Variants in RIMS2 observed in about 807,000 individuals in gnomAD.
The protein encoded by RIMS2 is regulating synaptic membrane exocytosis protein 2.
RIMS2 carries 59 observed loss-of-function variants against 174.4 expected under a neutral mutation model. That is an observed-to-expected ratio of 0.34 (90% CI 0.27 to 0.42). The LOEUF (loss-of-function observed/expected upper bound fraction) is 0.42. RIMS2 is among the 10% of genes least tolerant of loss of function. The pLI is 1.00. For synonymous variants in RIMS2, 606 were observed against 572.5 expected (o/e 1.06, Z -0.84); for missense variants, 1,620 against 1,666.3 (o/e 0.97, Z 0.48).
intron 19 of RIMS2, among the ~76,000 whole-genome samples, chr8:104,109,093 C>T (rs1482301620): frequency 1.3e-5 from 2 of 151,668 alleles, no homozygotes; most frequent in East Asian, 1.9e-4. Flanking sequence ...GTCAGGAGAT[C>T]GAGACCATCT....
chr8:103,836,959 G>T (rs1172094773), intron 3 of RIMS2, among the ~76,000 whole-genome samples: 1 of 152,168 alleles, frequency 6.6e-6, no homozygotes, highest in African/African-American at 2.4e-5. Flanking sequence ...ATATGGAATT[G>T]TTCACCTGCA....
At chr8:103,814,699 A>AC (rs1222604376) in intron 3 of RIMS2, among the ~76,000 whole-genome samples, 4 of 151,806 alleles carry the variant, frequency 2.6e-5, no homozygotes, top group Admixed American at 6.6e-5. Flanking sequence ...ACATAGTGAG[A>AC]CCCCCTCCAT....
intron 19 of RIMS2, among the ~76,000 whole-genome samples, chr8:104,016,380 G>C (rs985491604): frequency 2.0e-5 from 3 of 152,016 alleles, no homozygotes; most frequent in African/African-American, 7.2e-5. Context: ...CATTCGAGCA[G>C]CAATATTTTA....
intron 3 of RIMS2, among the ~76,000 whole-genome samples, chr8:103,830,047 T>G (rs956509744): frequency 6.6e-5 from 10 of 152,296 alleles, no homozygotes; most frequent in African/African-American, 2.4e-4. Context: ...AATTTCATAT[T>G]TCTTTATTAT....
intron 19 of RIMS2, among the ~76,000 whole-genome samples, chr8:104,100,687 G>A (rs2097854333): frequency 6.6e-6 from 1 of 150,700 alleles, no homozygotes; most frequent in East Asian, 1.9e-4. Context: ...GGATATAGCT[G>A]CCTTACTGAT....
chr8:103,565,300 G>A (rs191544727), intron 1 of RIMS2, among the ~76,000 whole-genome samples: 2 of 150,226 alleles, frequency 1.3e-5, no homozygotes, highest in African/African-American at 4.8e-5. Context: ...CTGATTTTGT[G>A]CTGTTTAATG....
At chr8:104,236,944 A>G (rs2099262079) in intron 19 of RIMS2, among the ~76,000 whole-genome samples, 1 of 152,136 alleles carries the variant, frequency 6.6e-6, no homozygotes, top group South Asian at 2.1e-4. Flanking sequence ...TAAGATGTTA[A>G]TAATTGGGAA....
exon 9 of RIMS2, chr8:103,918,482 A>G (rs1299499100): frequency 6.2e-7 from 1 of 1,602,184 alleles, no homozygotes; most frequent in East Asian, 2.2e-5. Flanking sequence ...GCACAACTGG[A>G]GTCCAGTAAG....
intron 1 of RIMS2, among the ~76,000 whole-genome samples, chr8:103,604,457 G>A (rs2133891689): frequency 6.6e-6 from 1 of 152,162 alleles, no homozygotes; most frequent in Non-Finnish European, 1.5e-5. Context: ...TGTTCTTTTG[G>A]CTTAGGATTG....
At chr8:103,838,136 G>A (rs1220935808) in intron 3 of RIMS2, among the ~76,000 whole-genome samples, 2 of 151,888 alleles carry the variant, frequency 1.3e-5, no homozygotes, top group Non-Finnish European at 2.9e-5. Flanking sequence ...TGTAGAAGTA[G>A]GGTTTCACCA....
chr8:103,651,785 A>AT (rs755154688), intron 1 of RIMS2, among the ~76,000 whole-genome samples: 2 of 152,116 alleles, frequency 1.3e-5, no homozygotes, highest in Non-Finnish European at 2.9e-5. Flanking sequence ...TTAAAAATAC[A>AT]TTCGTAAAAC....
At chr8:103,612,596 C>T (rs1470699546) in intron 1 of RIMS2, among the ~76,000 whole-genome samples, 2 of 152,004 alleles carry the variant, frequency 1.3e-5, no homozygotes, top group African/African-American at 4.8e-5. Context: ...TTTCCCCCCT[C>T]TAGACGGAAT....
chr8:103,585,918 TA>T (rs34443811), intron 1 of RIMS2, among the ~76,000 whole-genome samples: 27,196 of 140,000 alleles, frequency 0.19, 2,660 homozygotes, highest in African/African-American at 0.27. Context: ...CATCAATCAT[TA>T]AAAAAAAAAA....
At chr8:103,581,411 A>G (rs533616657) in intron 1 of RIMS2, among the ~76,000 whole-genome samples, 102 of 152,350 alleles carry the variant, frequency 6.7e-4, no homozygotes, top group South Asian at 1.2e-3. Context: ...AAAGTATTCA[A>G]TGAAATTTGA....
chr8:104,202,941 C>G (rs564666464), intron 19 of RIMS2, among the ~76,000 whole-genome samples: 14 of 152,312 alleles, frequency 9.2e-5, no homozygotes, highest in Admixed American at 2.0e-4. Context: ...CTTAAAGACT[C>G]TCATGACCCT....
chr8:103,919,972 C>T (rs578134992), intron 9 of RIMS2, among the ~76,000 whole-genome samples: 131 of 152,180 alleles, frequency 8.6e-4, no homozygotes, highest in African/African-American at 3.1e-3. Flanking sequence ...TATACCATCA[C>T]ATTTAATTTT....
chr8:103,773,191 T>G (rs1490473806), intron 3 of RIMS2, among the ~76,000 whole-genome samples: 1 of 152,120 alleles, frequency 6.6e-6, no homozygotes, highest in East Asian at 1.9e-4. Flanking sequence ...AAAAACTTTA[T>G]TCATTGAGAC....
At chr8:104,041,126 T>C (rs1345507540) in intron 19 of RIMS2, among the ~76,000 whole-genome samples, 200 bp from the exon 22 acceptor site, 1 of 151,738 alleles carries the variant, frequency 6.6e-6, no homozygotes, top group Admixed American at 6.6e-5. Flanking sequence ...TAACCTATAG[T>C]AACAAAATCA....
At chr8:104,143,683 C>G (rs2098604557) in intron 19 of RIMS2, among the ~76,000 whole-genome samples, 1 of 152,132 alleles carries the variant, frequency 6.6e-6, no homozygotes, top group Non-Finnish European at 1.5e-5. Context: ...CACTTTCTTG[C>G]CAAAGATGTT....
Sources: gnomAD v4.1 joint callset for allele counts (sites outside exome capture counted in the v4.1 genomes callset) on GRCh38, gnomAD v4.1.1 for gene constraint, MANE v1.5 for transcripts, NCBI Gene and HGNC (gene_info 2026-07-23, HGNC 2026-07-21) for gene names.